The following AGBL5 variants were observed in gnomAD, a reference collection of about 807,000 sequenced individuals.
AGBL5 encodes AGBL carboxypeptidase 5.
In AGBL5, 51 loss-of-function variants were observed where a neutral mutation model predicts 88.0. The observed-to-expected ratio is 0.58, with a 90% confidence interval of 0.46 to 0.73. The LOEUF (loss-of-function observed/expected upper bound fraction) is 0.73. AGBL5 is among the 30% of genes least tolerant of loss of function. The pLI is 0.00. For synonymous variants in AGBL5, 446 were observed against 438.8 expected (o/e 1.02, Z -0.21); for missense variants, 1,031 against 1,162.2 (o/e 0.89, Z 1.64).
In AGBL5 at chr2:27,067,491, CAG is replaced by C. The variant is rs1558424866; in HGVS notation, c.2090_2091del. On this transcript the variant is annotated splice_acceptor_variant, in intron 11 of 14. Transcript: ENST00000360131. LOFTEE classifies it high-confidence loss of function. ...TTTATCTGCTTGTATCTCTTCCACT[CAG>C]AGCCCCGAAGCCAGGACAGGAGACG... 6.2e-7 allele frequency: 1 copy of C among 1,613,684 alleles called. No individual in the cohort carries two copies. The highest frequency in any genetic ancestry group is 8.5e-7 in the Non-Finnish European group (1 of 1,179,700).
intron 11 of AGBL5, among the ~76,000 whole-genome samples, chr2:27,060,249 C>T (rs1668648567): frequency 6.6e-6 from 1 of 152,236 alleles, no homozygotes. Flanking sequence ...ATGCAGCAGT[C>T]TAGCTCTTTC....
Position 27,069,709 on chromosome 2 carries a change from G to A in AGBL5, c.2489+3G>A. The A allele has an allele frequency of 6.2e-7, 1 of 1,613,002 alleles. No homozygotes were observed. Among genetic ancestry groups the A allele is most frequent in the Non-Finnish European group, 8.5e-7 (1 of 1,179,218 alleles). ...GGATCCTGCTCTGCTACACCAGGGT[G>A]AGCACTTGGGTCCAGTCCCTCACAC... On this transcript the variant is annotated splice_donor_region_variant and intron_variant, in intron 14 of 14. Transcript: ENST00000360131.
upstream of AGBL5, among the ~76,000 whole-genome samples, chr2:27,050,775 A>G (rs557585359): frequency 1.4e-5 from 2 of 143,988 alleles, no homozygotes; most frequent in South Asian, 2.1e-4. Flanking sequence ...ATCTTATCGC[A>G]GCGGAGCCTT....
At chr2:27,054,964 C>T in intron 5 of AGBL5, 111 bp from the exon 6 acceptor site, 2 of 1,489,122 alleles carry the variant, frequency 1.3e-6, no homozygotes, top group East Asian at 4.5e-5. Flanking sequence ...GCAGATTCAG[C>T]CAGCTGGAAA....
upstream of AGBL5, among the ~76,000 whole-genome samples, chr2:27,051,267 A>G (rs1240550238): frequency 6.6e-6 from 1 of 152,202 alleles, no homozygotes. Context: ...AGGTAGCGGG[A>G]TCGATGCCCG....
intron 12 of AGBL5, chr2:27,067,912 C>CT: frequency 2.0e-6 from 1 of 509,988 alleles, no homozygotes; most frequent in East Asian, 3.8e-5. Flanking sequence ...AACCTGAAGA[C>CT]TTTTGTCTAC....
rs775833997 is a variant in AGBL5, at chr2:27,058,600, CAAGT to C, written c.1874+2_1874+5del. 7.4e-6 allele frequency: 12 copies of C among 1,613,792 alleles called. No homozygotes were observed. The highest frequency in any genetic ancestry group is 3.3e-5 in the South Asian group (3 of 91,070). On this transcript the variant is annotated splice_donor_variant and coding_sequence_variant, in exon 10 of 15. Coordinates refer to ENST00000360131, the MANE Select transcript of AGBL5 (RefSeq NM_021831.6). LOFTEE classifies it high-confidence loss of function. ...GCCTTCGAACTCCACCCAAAAGTCA[CAAGT>C]AAGGCCAGCAAAATAGGAGGGAGAA...
intron 11 of AGBL5, among the ~76,000 whole-genome samples, chr2:27,064,204 T>A (rs1008189761): frequency 5.3e-5 from 8 of 152,176 alleles, no homozygotes; most frequent in Middle Eastern, 3.4e-3. Flanking sequence ...TGTTTTAGGT[T>A]ATTTGACTAT....
chr2:27,069,474 A>G (rs755883465), intron 13 of AGBL5, 99 bp from the exon 14 acceptor site: 388 of 1,546,578 alleles, frequency 2.5e-4, no homozygotes, highest in Non-Finnish European at 3.3e-4. Context: ...ACTGATCCCT[A>G]TACTACAACA....
Position 27,057,293 on chromosome 2 carries a change from T to C in AGBL5, c.1536-10T>C. The C allele has an allele frequency of 6.2e-7, 1 of 1,609,500 alleles. No individual in the cohort carries two copies. Among genetic ancestry groups the C allele is most frequent in the East Asian group, 2.2e-5 (1 of 44,696 alleles). On this transcript the variant is annotated splice_polypyrimidine_tract_variant and intron_variant, in intron 8 of 14. Transcript: ENST00000360131. ...CAGGCGGGACACTGATAAAGGTCTT[T>C]ATGTCTTAGCTACACACTTGAATGC... is the stretch of plus-strand genomic sequence containing the variant.
At chr2:27,057,652 G>A (rs989381934) in intron 9 of AGBL5, among the ~76,000 whole-genome samples, 2 of 152,222 alleles carry the variant, frequency 1.3e-5, no homozygotes, top group African/African-American at 4.8e-5. Context: ...CCACATCACA[G>A]AGAATCCCCT....
upstream of AGBL5, among the ~76,000 whole-genome samples, chr2:27,051,226 C>T (rs1353254207): frequency 1.3e-5 from 2 of 152,188 alleles, no homozygotes; most frequent in Admixed American, 1.3e-4. Context: ...GGGATTAGCT[C>T]AAATGGTAGA....
intron 12 of AGBL5, chr2:27,067,881 A>T: frequency 1.7e-6 from 1 of 574,790 alleles, no homozygotes; most frequent in Non-Finnish European, 3.2e-6. Flanking sequence ...TACACACTTA[A>T]TCTCATTTTA....
Position 27,056,017 on chromosome 2 carries a change from C to T in AGBL5, c.1244C>T (p.Ser415Leu). Residue 415 changes from serine (S) to leucine (L), a missense_variant, in exon 7 of 15, where the codon TCA becomes TTA. By Grantham distance (145) the Ser-to-Leu change is moderately radical (BLOSUM62 -2). Coordinates refer to ENST00000360131, the MANE Select transcript of AGBL5 (RefSeq NM_021831.6). Reference sequence around the variant, plus strand: ...CAACAGTCTGCGGGGCTTGAAGAGTCAGCCCCTGATACCATCCCCCCCAAA... The same window carrying T: ...CAACAGTCTGCGGGGCTTGAAGAGTTAGCCCCTGATACCATCCCCCCCAAA... ...MPQQSAGLEESAPDTIPPKES... is the reference protein window; with the variant it reads ...MPQQSAGLEELAPDTIPPKES... The T allele has an allele frequency of 6.2e-7, 1 of 1,614,190 alleles. No individual in the cohort carries two copies. Among genetic ancestry groups the T allele is most frequent in the Non-Finnish European group, 8.5e-7 (1 of 1,180,038 alleles).
At chr2:27,057,928 TAACTG>T (rs1668519989) in intron 9 of AGBL5, among the ~76,000 whole-genome samples, 3 of 152,014 alleles carry the variant, frequency 2.0e-5, no homozygotes, top group South Asian at 2.1e-4. Flanking sequence ...ATACAAAAAT[TAACTG>T]GGCATAGTGG....
chr2:27,069,181 T>C lies in AGBL5; in HGVS notation c.2356-392T>C, dbSNP rs1239637954. The C allele has an allele frequency of 4.5e-6, 6 of 1,345,946 alleles. No individual in the cohort carries two copies. The East Asian group carries it at 2.7e-4, about 60-fold the overall frequency. The allele number at this position is 1,345,946 out of a possible 1,614,324, so 83.4% of individuals were successfully genotyped here. ...TCCCCATGCTAGGTAAAGCTGAGTA[T>C]AGGCAGAGGCTGACTGGATGGGTGA... On this transcript the variant is annotated intron_variant, in intron 13 of 14. Coordinates refer to ENST00000360131, the MANE Select transcript of AGBL5 (RefSeq NM_021831.6).
chr2:27,070,495 T>A lies in AGBL5; in HGVS notation c.*232T>A, dbSNP rs1323363024. On this transcript the variant is annotated 3_prime_UTR_variant, in exon 15 of 15. Coordinates refer to ENST00000360131, the MANE Select transcript of AGBL5 (RefSeq NM_021831.6). ...GATTTTGGGACCACAAAAAAAAGTC[T>A]ATATTTTTATATTGGGGGGAGGGAG... 2.0e-6 allele frequency: 1 copy of A among 500,304 alleles called. No homozygotes were observed. The highest frequency in any genetic ancestry group is 3.6e-6 in the Non-Finnish European group (1 of 280,714). The allele number at this position is 500,304 out of a possible 1,614,324, so 31.0% of individuals were successfully genotyped here.
At chr2:27,055,489 A>G in intron 6 of AGBL5, 193 bp from the exon 7 acceptor site, 1 of 796,076 alleles carries the variant, frequency 1.3e-6, no homozygotes, top group East Asian at 2.7e-5. Context: ...ACCCTGAGGA[A>G]GCTCCTTAGG....
upstream of AGBL5, among the ~76,000 whole-genome samples, chr2:27,051,187 G>A (rs117238542): frequency 0.019 from 2,819 of 152,274 alleles, 276 homozygotes; most frequent in Admixed American, 0.16. Context: ...AACCTGTAAG[G>A]CAAAGGGAAA....
Sources: allele counts gnomAD v4.1 joint callset (sites outside exome capture counted in the v4.1 genomes callset), GRCh38; gene constraint gnomAD v4.1.1; transcripts MANE v1.5; gene names NCBI Gene and HGNC (gene_info 2026-07-23, HGNC 2026-07-21).